CCDC3: variants seen among roughly 807,000 people sequenced by gnomAD.
CCDC3 encodes the protein coiled-coil domain-containing protein 3.
CCDC3 carries 24 observed loss-of-function variants against 21.4 expected under a neutral mutation model. The ratio of observed to expected loss-of-function variants is 1.12; its 90% CI spans 0.81 to 1.58. The LOEUF (loss-of-function observed/expected upper bound fraction) is 1.58, where lower values mean the gene tolerates loss of function less well. Ranked by LOEUF, CCDC3 falls within the 40% of genes most tolerant of loss-of-function variation. The pLI is 0.00. For synonymous variants in CCDC3, 186 were observed against 166.0 expected (o/e 1.12, Z -0.93); for missense variants, 425 against 360.9 (o/e 1.18, Z -1.44).
intron 1 of CCDC3, among the ~76,000 whole-genome samples, chr10:12,999,790 T>C (rs1835818376): frequency 6.6e-6 from 1 of 152,198 alleles, no homozygotes; most frequent in Non-Finnish European, 1.5e-5. Context: ...GAGAACAAAG[T>C]TCTGGTTTTG....
At chr10:13,028,666 T>G (rs73589942) in intron 5 of CCDC3, among the ~76,000 whole-genome samples, 4,528 of 152,290 alleles carry the variant, frequency 0.03, 256 homozygotes, top group African/African-American at 0.1. Context: ...GTGGACTCTT[T>G]CTAGTCCCTT....
chr10:12,959,185 T>TTC (rs980763400), intron 2 of CCDC3, among the ~76,000 whole-genome samples: 2 of 151,500 alleles, frequency 1.3e-5, no homozygotes, highest in Non-Finnish European at 2.9e-5. Context: ...TTTTTTTTTT[T>TTC]GAGATGGCAC....
intron 5 of CCDC3, among the ~76,000 whole-genome samples, chr10:13,034,576 A>C (rs958357154): frequency 2.0e-5 from 3 of 151,930 alleles, no homozygotes; most frequent in African/African-American, 7.2e-5. Context: ...GAAATAAACC[A>C]AAGTCATAGC....
intron 4 of CCDC3, chr10:13,058,090 CT>C (rs1311829590): frequency 2.6e-6 from 2 of 769,732 alleles, no homozygotes; most frequent in African/African-American, 3.4e-5. Context: ...TGATGTGCTT[CT>C]GGTGTACTTC....
At chr10:13,043,289 G>GCAAAGA (rs1365076651) in intron 5 of CCDC3, among the ~76,000 whole-genome samples, 2 of 152,080 alleles carry the variant, frequency 1.3e-5, no homozygotes, top group East Asian at 3.9e-4. Flanking sequence ...AAAGATGAAA[G>GCAAAGA]CAAAGACAAA....
At position 13,083,561 on chromosome 10, in the gene CCDC3, T is replaced by C. The variant is rs1174915510; in HGVS notation, c.-502-9461A>G. On this transcript the variant is annotated intron_variant, in intron 3 of 6. Coordinates refer to the CCDC3 transcript ENST00000378839. ...GTTAAATGTGCTCACAGGCACATAGTACATTCTATGTCCTTGTACTTTAAC... is the reference window on the plus strand; with the variant it reads ...GTTAAATGTGCTCACAGGCACATAGCACATTCTATGTCCTTGTACTTTAAC... Among the ~76,000 whole-genome samples, 5 of 152,392 alleles carry C rather than the reference T, an allele frequency of 3.3e-5. No individual in the cohort carries two copies. The East Asian group carries it at 9.6e-4, about 29-fold the overall frequency.
chr10:12,962,982 T>C (rs1835202693), intron 2 of CCDC3, among the ~76,000 whole-genome samples: 1 of 152,388 alleles, frequency 6.6e-6, no homozygotes, highest in East Asian at 1.9e-4. Context: ...CATACTTATA[T>C]ACACTATTTT....
At chr10:13,091,540 T>G (rs1054433748) in intron 3 of CCDC3, among the ~76,000 whole-genome samples, 1 of 152,204 alleles carries the variant, frequency 6.6e-6, no homozygotes, top group Admixed American at 6.5e-5. Context: ...ACTCTGTTTA[T>G]GGTATTTTGT....
At chr10:12,907,770 G>A (rs1048740983) in intron 2 of CCDC3, among the ~76,000 whole-genome samples, 5 of 151,920 alleles carry the variant, frequency 3.3e-5, no homozygotes, top group African/African-American at 7.3e-5. Context: ...CCACCTGCCC[G>A]CCCCCTGTTG....
chr10:12,949,192 TA>T (rs1378417140), intron 2 of CCDC3, among the ~76,000 whole-genome samples: 1 of 152,098 alleles, frequency 6.6e-6, no homozygotes, highest in Admixed American at 6.5e-5. Context: ...TAAAAGCTGC[TA>T]AGAGAACTCT....
chr10:12,988,279 G>A (rs1456590532), intron 2 of CCDC3, among the ~76,000 whole-genome samples: 1 of 152,114 alleles, frequency 6.6e-6, no homozygotes, highest in African/African-American at 2.4e-5. Context: ...TCTTTGTATG[G>A]CTGGTTCTGT....
intron 2 of CCDC3, among the ~76,000 whole-genome samples, chr10:12,948,469 A>ACG (rs1462651496): frequency 1.8e-4 from 1 of 5,672 alleles, no homozygotes; most frequent in Non-Finnish European, 3.3e-4. Context: ...AGACAATTGC[A>ACG]CACACACACA....
intron 2 of CCDC3, among the ~76,000 whole-genome samples, chr10:12,963,514 G>T (rs1835211292): frequency 6.6e-6 from 1 of 151,342 alleles, no homozygotes; most frequent in South Asian, 2.1e-4. Context: ...GATCCTATAG[G>T]GGTTATTATG....
At chr10:13,059,322 C>G (rs1417127904) in intron 4 of CCDC3, among the ~76,000 whole-genome samples, 1 of 152,182 alleles carries the variant, frequency 6.6e-6, no homozygotes. Flanking sequence ...CTCCTGCCTC[C>G]TGCCCTAGAA....
Position 12,998,475 on chromosome 10 carries a change from T to G in CCDC3, c.412A>C (p.Asn138His). 1 of 1,614,140 alleles carries G rather than the reference T, an allele frequency of 6.2e-7. No individual in the cohort carries two copies. Among genetic ancestry groups the G allele is most frequent in the East Asian group, 2.2e-5 (1 of 44,882 alleles). ...TCTGGGAAGATGGCATCTTGGAAAT[T>G]GACTCCGTGAGGCAAGAGGTTATAA... is the stretch of plus-strand genomic sequence containing the variant. ...ENYNLLPHGV[N>H]FQDAIFPDTQ... The change falls in exon 2 of 3, where the codon AAT becomes CAT. Residue 138 changes from asparagine (N) to histidine (H), a missense_variant. Physicochemically the swap from Asn to His is moderately conservative, Grantham distance 68 (BLOSUM62 1). Transcript: ENST00000378825.
At chr10:12,948,728 GTT>G (rs72323989) in intron 2 of CCDC3, among the ~76,000 whole-genome samples, 2 of 91,070 alleles carry the variant, frequency 2.2e-5, no homozygotes, top group African/African-American at 4.2e-5. Flanking sequence ...TTTTAAGGCA[GTT>G]TTTTTTTTTT....
intron 4 of CCDC3, among the ~76,000 whole-genome samples, chr10:13,071,437 T>G (rs1326450135): frequency 6.6e-6 from 1 of 152,220 alleles, no homozygotes; most frequent in Non-Finnish European, 1.5e-5. Flanking sequence ...GCATGACTAA[T>G]TCCTGCTGCT....
intron 2 of CCDC3, among the ~76,000 whole-genome samples, chr10:12,916,797 C>G (rs1349463839): frequency 6.6e-6 from 1 of 152,196 alleles, no homozygotes. Flanking sequence ...GAGGCTGGGT[C>G]TGTGGCTGCT....
intron 3 of CCDC3, among the ~76,000 whole-genome samples, chr10:13,075,096 C>T (rs890510533): frequency 2.6e-5 from 4 of 152,194 alleles, no homozygotes. Flanking sequence ...CCCTGATGAA[C>T]GAATGGTTTC....
Sources: allele counts gnomAD v4.1 joint callset (sites outside exome capture counted in the v4.1 genomes callset), GRCh38; gene constraint gnomAD v4.1.1; transcripts MANE v1.5; gene names NCBI Gene and HGNC (gene_info 2026-07-23, HGNC 2026-07-21).